The following ADAM17 variants were observed in gnomAD, a reference collection of about 807,000 sequenced individuals.
ADAM17 encodes the protein ADAM metallopeptidase domain 17.
In ADAM17, 39 loss-of-function variants were observed where a neutral mutation model predicts 96.7. The observed-to-expected ratio is 0.40, with a 90% CI of 0.31 to 0.53. The LOEUF is 0.53. ADAM17 is among the 20% of genes least tolerant of loss of function. The pLI, the probability that ADAM17 is intolerant of heterozygous loss-of-function variation, is 0.44. For synonymous variants in ADAM17, 344 were observed against 359.2 expected (o/e 0.96, Z 0.48); for missense variants, 777 against 1,013.2 (o/e 0.77, Z 3.17).
chr2:9,531,998 G>C (rs1178714889), intron 4 of ADAM17, among the ~76,000 whole-genome samples: 2 of 152,154 alleles, frequency 1.3e-5, no homozygotes, highest in South Asian at 2.1e-4. Flanking sequence ...TGTAGTCCCA[G>C]CTACTCAGGA....
chr2:9,501,040 T>G (rs1662969366), intron 13 of ADAM17, among the ~76,000 whole-genome samples: 1 of 149,090 alleles, frequency 6.7e-6, no homozygotes. Context: ...ATTTCTGTTC[T>G]GAGAATGGCA....
chr2:9,525,548 G>T (rs1664489378), intron 6 of ADAM17, among the ~76,000 whole-genome samples: 1 of 152,100 alleles, frequency 6.6e-6, no homozygotes, highest in Admixed American at 6.6e-5. Context: ...TGATTCCCCA[G>T]ACTTCAAAAA....
At chr2:9,522,957 C>T (rs971630675) in intron 7 of ADAM17, among the ~76,000 whole-genome samples, 7 of 151,914 alleles carry the variant, frequency 4.6e-5, no homozygotes, top group Non-Finnish European at 8.8e-5. Flanking sequence ...TAAGCATAAT[C>T]GGAGGGGGGA....
At chr2:9,499,653 C>T (rs1031584214) in intron 13 of ADAM17, among the ~76,000 whole-genome samples, 8 of 152,220 alleles carry the variant, frequency 5.3e-5, no homozygotes, top group East Asian at 1.9e-4. Flanking sequence ...CTGCCCACCT[C>T]GGCCTCCCAA....
At chr2:9,532,385 T>C (rs1405243929) in intron 4 of ADAM17, among the ~76,000 whole-genome samples, 1 of 152,112 alleles carries the variant, frequency 6.6e-6, no homozygotes. Flanking sequence ...CCCCTGTAAG[T>C]AGTAAATCAT....
chr2:9,539,659 G>A (rs574684283), intron 2 of ADAM17, among the ~76,000 whole-genome samples: 42 of 152,164 alleles, frequency 2.8e-4, no homozygotes, highest in Non-Finnish European at 4.3e-4. Context: ...GTTTCATAGA[G>A]TTAATTCAGC....
At chr2:9,508,309 T>C (rs537000055) in intron 11 of ADAM17, among the ~76,000 whole-genome samples, 8 of 152,306 alleles carry the variant, frequency 5.3e-5, no homozygotes, top group African/African-American at 1.9e-4. Flanking sequence ...AATGCCCCCG[T>C]GCCCCTCACC....
chr2:9,501,263 T>A (rs1662986077), intron 13 of ADAM17, among the ~76,000 whole-genome samples: 1 of 151,040 alleles, frequency 6.6e-6, no homozygotes, highest in South Asian at 2.1e-4. Flanking sequence ...AAAAAAAAAG[T>A]AAGAACAAGA....
rs182051921 is a variant in ADAM17, at chr2:9,517,886, A to C, written c.1191+15T>G. The C allele has an allele frequency of 4.7e-5, 71 of 1,514,600 alleles. No homozygotes were observed. 93.8% of individuals were successfully genotyped at this position (1,514,600 alleles called of 1,614,324 possible). A position where few individuals can be genotyped will look rare whatever the true frequency, so the allele number is the denominator to read the frequency against. ...TAAACTCTAACACTATTCTTTTAGAAATAAAAGAACATACCTTTGTAAGGA... is the reference window on the plus strand; with the variant it reads ...TAAACTCTAACACTATTCTTTTAGACATAAAAGAACATACCTTTGTAAGGA... On this transcript the variant is annotated intron_variant, in intron 10 of 18. Coordinates refer to ENST00000310823, the MANE Select transcript of ADAM17 (RefSeq NM_003183.6).
chr2:9,519,648 G>T (rs1664229369), intron 8 of ADAM17, among the ~76,000 whole-genome samples: 1 of 152,116 alleles, frequency 6.6e-6, no homozygotes, highest in African/African-American at 2.4e-5. Flanking sequence ...AGGTAATTAA[G>T]GTACACTGAG....
At chr2:9,502,120 GACAC>G in intron 13 of ADAM17, 49 bp downstream of exon 13, 1 of 1,443,798 alleles carries the variant, frequency 6.9e-7, no homozygotes, top group South Asian at 1.2e-5. Flanking sequence ...GTTTTTCAAA[GACAC>G]ACACACACTT....
At chr2:9,503,366 G>C (rs1303383110) in intron 12 of ADAM17, among the ~76,000 whole-genome samples, 1 of 151,992 alleles carries the variant, frequency 6.6e-6, no homozygotes, top group Non-Finnish European at 1.5e-5. Context: ...TGAAAACCTG[G>C]GTAACTTTCT....
chr2:9,547,420 T>C (rs1052590210), intron 1 of ADAM17, among the ~76,000 whole-genome samples: 7 of 152,140 alleles, frequency 4.6e-5, no homozygotes, highest in Non-Finnish European at 1.0e-4. Context: ...CAGAAAGTTA[T>C]GCACAGACAC....
intron 1 of ADAM17, 144 bp from the exon 2 acceptor site, chr2:9,543,429 A>C (rs1665294475): frequency 2.6e-6 from 2 of 755,686 alleles, no homozygotes; most frequent in African/African-American, 3.7e-5. Flanking sequence ...ATTTTTTATC[A>C]ACAGAAACTC....
chr2:9,499,588 G>C (rs1211912513), intron 13 of ADAM17, among the ~76,000 whole-genome samples: 1 of 152,042 alleles, frequency 6.6e-6, no homozygotes, highest in Non-Finnish European at 1.5e-5. Context: ...TCTTTTAGTA[G>C]ACACAGGGTT....
intron 16 of ADAM17, 114 bp from the exon 17 acceptor site, chr2:9,493,100 C>T: frequency 3.8e-6 from 3 of 795,204 alleles, no homozygotes; most frequent in South Asian, 3.8e-5. Context: ...GCTAGACATA[C>T]TACCGAGAGC....
chr2:9,499,107 CTTCTTCTTTT>C (rs1480139828), intron 13 of ADAM17, among the ~76,000 whole-genome samples: 4 of 78,758 alleles, frequency 5.1e-5, no homozygotes, highest in African/African-American at 9.5e-5. Context: ...TTTTTTCTTT[CTTCTTCTTTT>C]TTTTTTTTTT....
At chr2:9,523,409 C>A in intron 6 of ADAM17, 71 bp from the exon 7 acceptor site, 1 of 1,323,136 alleles carries the variant, frequency 7.6e-7, no homozygotes, top group East Asian at 2.3e-5. Flanking sequence ...AATATAAAAT[C>A]TATGGGGAAA....
chr2:9,496,157 C>A, intron 14 of ADAM17, among the ~76,000 whole-genome samples: 1 of 151,852 alleles, frequency 6.6e-6, no homozygotes, highest in South Asian at 2.1e-4. Flanking sequence ...GAAATGGAGT[C>A]TCGCTCTGTT....
Sources: gnomAD v4.1 joint callset for allele counts (sites outside exome capture counted in the v4.1 genomes callset) on GRCh38, gnomAD v4.1.1 for gene constraint, MANE v1.5 for transcripts, NCBI Gene and HGNC (gene_info 2026-07-23, HGNC 2026-07-21) for gene names.